ANO4: variants seen among roughly 807,000 people sequenced by gnomAD.
ANO4 encodes anoctamin 4, also known as anoctamin-4.
A neutral mutation model predicts 141.9 loss-of-function variants in ANO4; 69 were observed. The ratio of observed to expected loss-of-function variants is 0.49; its 90% CI spans 0.40 to 0.59. ANO4 has a LOEUF of 0.59. Ranked by LOEUF, ANO4 falls within the 20% of genes least tolerant of loss-of-function variation. The probability of loss-of-function intolerance (pLI) is 0.00; values close to 1 mark genes in which losing one functional copy is unlikely to be tolerated. For missense variants in ANO4, 894 were observed against 1,162.2 expected (o/e 0.77, Z 3.36); for synonymous variants, 350 against 394.3 (o/e 0.89, Z 1.33).
chr12:101,110,530 C>G lies in ANO4; in HGVS notation c.2276C>G (p.Pro759Arg). Residue 759 changes from proline to arginine, a missense_variant, in exon 23 of 28, where the codon CCT (proline) becomes CGT (arginine). Transcript: ENST00000392977. ...AAATTTGTCACACAGTGGAGGAGAC[C>G]TTTAGCTTCAAGGGCCAAAGACATA... ...AYKFVTQWRRPLASRAKDIGI... is the reference protein window; with the variant it reads ...AYKFVTQWRRRLASRAKDIGI... The G allele has an allele frequency of 6.3e-7, 1 of 1,599,230 alleles. No homozygotes were observed. Among genetic ancestry groups the G allele is most frequent in the Non-Finnish European group, 8.5e-7 (1 of 1,173,186 alleles).
intron 1 of ANO4, among the ~76,000 whole-genome samples, chr12:100,813,197 A>C (rs973091461): frequency 1.3e-5 from 2 of 152,152 alleles, no homozygotes; most frequent in Admixed American, 1.3e-4. Context: ...CCTGAATAGC[A>C]GGTTGCCCTC....
intron 1 of ANO4, chr12:100,859,375 G>C (rs891154591): frequency 1.3e-5 from 2 of 152,138 alleles, no homozygotes; most frequent in African/African-American, 2.4e-5. Context: ...TGTGAACAGA[G>C]CACCCTCCCC....
intron 14 of ANO4, among the ~76,000 whole-genome samples, chr12:101,061,680 T>C (rs1284989302): frequency 6.6e-6 from 1 of 151,898 alleles, no homozygotes; most frequent in East Asian, 2.0e-4. Flanking sequence ...ACTCGACTAT[T>C]GATACTTGTA....
chr12:100,855,407 T>A (rs921541160), intron 1 of ANO4, among the ~76,000 whole-genome samples: 1 of 152,198 alleles, frequency 6.6e-6, no homozygotes, highest in Non-Finnish European at 1.5e-5. Context: ...TCTCTAGATA[T>A]CCTTCAAATC....
chr12:100,891,620 G>A (rs1818554555), intron 1 of ANO4, among the ~76,000 whole-genome samples: 1 of 151,736 alleles, frequency 6.6e-6, no homozygotes, highest in Admixed American at 6.6e-5. Context: ...TTTTATTTAT[G>A]TACTTATTTT....
chr12:101,044,701 G>C (rs138654697), intron 13 of ANO4, among the ~76,000 whole-genome samples: 1 of 152,160 alleles, frequency 6.6e-6, no homozygotes, highest in African/African-American at 2.4e-5. Context: ...GCAGGTGGCC[G>C]GTCTGTGTAG....
At chr12:100,918,882 A>T (rs1255849498) in intron 2 of ANO4, among the ~76,000 whole-genome samples, 3 of 152,136 alleles carry the variant, frequency 2.0e-5, no homozygotes. Context: ...CATTTATATC[A>T]TGGGAGGTGA....
intron 9 of ANO4, among the ~76,000 whole-genome samples, chr12:101,032,206 A>G (rs554649585): frequency 1.3e-5 from 2 of 152,348 alleles, no homozygotes; most frequent in Admixed American, 6.5e-5. Context: ...AGTAACCAAA[A>G]CAGCATGATA....
chr12:100,739,582 T>G (rs775542509), intron 2 of ANO4, among the ~76,000 whole-genome samples: 5 of 152,162 alleles, frequency 3.3e-5, no homozygotes, highest in Non-Finnish European at 5.9e-5. Flanking sequence ...TAATTTTTTT[T>G]ATTATGAACA....
intron 1 of ANO4, among the ~76,000 whole-genome samples, chr12:100,864,996 G>A (rs1420234311): frequency 6.6e-6 from 1 of 152,122 alleles, no homozygotes; most frequent in East Asian, 1.9e-4. Context: ...CATCCATGGT[G>A]TATATGTGCC....
chr12:100,734,560 A>G (rs1365237275), intron 2 of ANO4, among the ~76,000 whole-genome samples: 5 of 152,210 alleles, frequency 3.3e-5, no homozygotes, highest in Non-Finnish European at 7.3e-5. Context: ...CCCTGCATAC[A>G]TTATTTTACT....
chr12:100,933,062 A>G lies in ANO4; in HGVS notation c.161-6253A>G, dbSNP rs572225317. On this transcript the variant is annotated intron_variant, in intron 3 of 27. Coordinates refer to ENST00000392977, the MANE Select transcript of ANO4 (RefSeq NM_001286615.2). The stretch of plus-strand genomic sequence containing the variant: ...GGTCTGAATGAAATGCAGATCTATT[A>G]CTTGAGTTGCATGGTAGTTTTGCAT... 2.7e-5 allele frequency among the ~76,000 whole-genome samples: 4 copies of G among 150,650 alleles called. No individual in the cohort carries two copies. The East Asian group carries it at 7.8e-4, about 29-fold the overall frequency.
chr12:101,064,404 G>C (rs1031638645), intron 14 of ANO4, among the ~76,000 whole-genome samples: 1 of 152,038 alleles, frequency 6.6e-6, no homozygotes, highest in African/African-American at 2.4e-5. Flanking sequence ...ACTGAGAAAT[G>C]TTTTATGACC....
At chr12:100,854,833 G>A (rs1039845153) in intron 1 of ANO4, among the ~76,000 whole-genome samples, 7 of 152,042 alleles carry the variant, frequency 4.6e-5, no homozygotes, top group African/African-American at 1.7e-4. Context: ...TTCTTTGTGA[G>A]TTCCTCTTCT....
intron 9 of ANO4, among the ~76,000 whole-genome samples, chr12:101,025,058 A>C (rs2046677348): frequency 6.6e-6 from 1 of 152,218 alleles, no homozygotes; most frequent in African/African-American, 2.4e-5. Context: ...TATTTTAGGA[A>C]GTAGCAGAAA....
Position 100,805,488 on chromosome 12 carries a change from A to G in ANO4, c.-141+10461A>G, listed in dbSNP as rs1417465834. ...AATAGTTTTTTCTAATTTTGTGAAG[A>G]ATGTCAATGGTAGTTTAATGGTAAT... On this transcript the variant is annotated intron_variant, in intron 1 of 27. Coordinates refer to ENST00000392977, the MANE Select transcript of ANO4 (RefSeq NM_001286615.2). 1.5e-4 allele frequency among the ~76,000 whole-genome samples: 23 copies of G among 152,204 alleles called. 1 individual carries two copies. The highest frequency in any genetic ancestry group is 1.4e-3 in the Admixed American group (22 of 15,288).
At chr12:100,924,365 T>C (rs2041774720) in intron 3 of ANO4, among the ~76,000 whole-genome samples, 1 of 152,076 alleles carries the variant, frequency 6.6e-6, no homozygotes, top group South Asian at 2.1e-4. Flanking sequence ...GTGGAAGAAA[T>C]TAAATGACAG....
chr12:100,889,271 A>G (rs144026292), intron 1 of ANO4, among the ~76,000 whole-genome samples: 327 of 152,150 alleles, frequency 2.1e-3, no homozygotes, highest in African/African-American at 7.3e-3. Context: ...TTCTTAATCC[A>G]GTATATCATT....
At chr12:100,919,732 G>GTATCTATC (rs763584121) in intron 2 of ANO4, among the ~76,000 whole-genome samples, 173 of 112,056 alleles carry the variant, frequency 1.5e-3, no homozygotes, top group Non-Finnish European at 2.5e-3. Flanking sequence ...ATGTGTGTAT[G>GTATCTATC]TATGTATCTA....
Sources: gnomAD v4.1 joint callset for allele counts (sites outside exome capture counted in the v4.1 genomes callset) on GRCh38, gnomAD v4.1.1 for gene constraint, MANE v1.5 for transcripts, NCBI Gene and HGNC (gene_info 2026-07-23, HGNC 2026-07-21) for gene names.